ADGRB3: variants seen among roughly 807,000 people sequenced by gnomAD.
ADGRB3 encodes the protein adhesion G protein-coupled receptor B3.
A neutral mutation model predicts 193.4 loss-of-function variants in ADGRB3; 37 were observed. The ratio of observed to expected loss-of-function variants is 0.19; its 90% CI spans 0.15 to 0.25. The LOEUF (loss-of-function observed/expected upper bound fraction) is 0.25. Ranked by LOEUF, ADGRB3 falls within the 10% of genes least tolerant of loss-of-function variation. The probability of loss-of-function intolerance (pLI) is 1.00; values close to 1 mark genes in which losing one functional copy is unlikely to be tolerated. For missense variants in ADGRB3, 1,637 were observed against 1,852.9 expected, an observed-to-expected ratio of 0.88 and a Z score of 2.14; for synonymous variants, 690 against 644.2, an observed-to-expected ratio of 1.07 and a Z score of -1.08.
In ADGRB3 at chr6:69,372,350, T is replaced by C. The variant is rs878909788; in HGVS notation, c.4240-56T>C. On this transcript the variant is annotated intron_variant, in intron 29 of 31. Coordinates refer to ENST00000370598, the MANE Select transcript of ADGRB3 (RefSeq NM_001704.3). ...ATGATGATTTTTCATTTTGTTTGAA[T>C]GACTAAACATAACTTTATTGGTTTT... The C allele has an allele frequency of 7.0e-5, 70 of 999,086 alleles. 1 individual carries two copies. The South Asian group carries it at 9.2e-4, about 13-fold the overall frequency. The allele number at this position is 999,086 out of a possible 1,614,324, so 61.9% of individuals were successfully genotyped here.
At chr6:69,099,330 T>TC (rs1772969285) in intron 17 of ADGRB3, among the ~76,000 whole-genome samples, 1 of 152,218 alleles carries the variant, frequency 6.6e-6, no homozygotes, top group Admixed American at 6.5e-5. Flanking sequence ...TAAGAGAGTA[T>TC]CAGCTTCTGT....
chr6:68,700,607 A>G (rs1321770780), intron 3 of ADGRB3, among the ~76,000 whole-genome samples: 1 of 152,060 alleles, frequency 6.6e-6, no homozygotes, highest in Non-Finnish European at 1.5e-5. Flanking sequence ...AAAGACAAAT[A>G]GAAACCCCTT....
intron 17 of ADGRB3, among the ~76,000 whole-genome samples, chr6:69,180,079 A>G (rs971633551): frequency 6.6e-6 from 1 of 152,232 alleles, no homozygotes; most frequent in African/African-American, 2.4e-5. Context: ...TTAAGCATCC[A>G]GAGGTGTGGC....
At chr6:68,873,905 A>G (rs1765523527) in intron 3 of ADGRB3, among the ~76,000 whole-genome samples, 1 of 152,080 alleles carries the variant, frequency 6.6e-6, no homozygotes, top group South Asian at 2.1e-4. Context: ...AAATTAGCAT[A>G]TATTCTTTCT....
intron 3 of ADGRB3, among the ~76,000 whole-genome samples, chr6:68,782,494 G>A (rs1766875231): frequency 6.6e-6 from 1 of 152,060 alleles, no homozygotes; most frequent in Non-Finnish European, 1.5e-5. Flanking sequence ...ACCCAGAAAT[G>A]GGATGGCTGG....
chr6:68,661,018 A>G (rs867032924), intron 3 of ADGRB3, among the ~76,000 whole-genome samples: 2 of 150,616 alleles, frequency 1.3e-5, no homozygotes, highest in African/African-American at 4.8e-5. Flanking sequence ...ACTAACATAT[A>G]TAAAGCATCA....
intron 3 of ADGRB3, among the ~76,000 whole-genome samples, chr6:68,776,100 T>C (rs916287308): frequency 2.0e-5 from 3 of 152,124 alleles, no homozygotes; most frequent in African/African-American, 7.2e-5. Flanking sequence ...GTGACAAACA[T>C]AGGCTCTGTT....
intron 3 of ADGRB3, among the ~76,000 whole-genome samples, chr6:68,892,440 C>G (rs926836031): frequency 1.3e-5 from 2 of 152,208 alleles, no homozygotes; most frequent in African/African-American, 4.8e-5. Flanking sequence ...TGTCACTCCT[C>G]AGAGAGGTCT....
chr6:69,043,290 G>GAGAGAA lies in ADGRB3; in HGVS notation c.2108-4892_2108-4891insGAAAGA, dbSNP rs1554252049. On this transcript the variant is annotated intron_variant, in intron 13 of 31. Transcript: ENST00000370598. ...GGAAAGAAAAGGAAAGGAAGAAAGAGAGAAAGAAAGAAAGAAAGAAAGAAA... is the reference window on the plus strand; with the variant it reads ...GGAAAGAAAAGGAAAGGAAGAAAGAGAGAGAAAGAAAGAAAGAAAGAAAGAAAGAAA... 6.2e-3 allele frequency among the ~76,000 whole-genome samples: 543 copies of GAGAGAA among 88,058 alleles called. 12 individuals are homozygous for GAGAGAA. Among genetic ancestry groups the GAGAGAA allele is most frequent in the Middle Eastern group, 0.027 (4 of 148 alleles). 57.8% of individuals were successfully genotyped at this position (88,058 alleles called of 152,430 possible). A position where few individuals can be genotyped will look rare whatever the true frequency, so the allele number is the denominator to read the frequency against.
intron 11 of ADGRB3, among the ~76,000 whole-genome samples, chr6:69,013,485 G>A (rs1019883237): frequency 2.6e-5 from 4 of 152,102 alleles, no homozygotes; most frequent in African/African-American, 7.2e-5. Flanking sequence ...TGTGTGATAT[G>A]TCAGGAACTT....
intron 20 of ADGRB3, among the ~76,000 whole-genome samples, chr6:69,270,578 T>C (rs983807294): frequency 6.6e-6 from 1 of 152,180 alleles, no homozygotes; most frequent in Non-Finnish European, 1.5e-5. Context: ...GCTGATTAAA[T>C]ACATTTTACT....
intron 3 of ADGRB3, among the ~76,000 whole-genome samples, chr6:68,761,370 T>C (rs1370708497): frequency 6.6e-6 from 1 of 151,854 alleles, no homozygotes; most frequent in Non-Finnish European, 1.5e-5. Flanking sequence ...GGTTTTCAGT[T>C]GGTAACTCCT....
intron 20 of ADGRB3, among the ~76,000 whole-genome samples, chr6:69,261,135 A>T (rs907478628): frequency 2.0e-5 from 3 of 152,204 alleles, no homozygotes; most frequent in African/African-American, 7.2e-5. Context: ...TCACACACAA[A>T]AATACAAGGA....
intron 20 of ADGRB3, among the ~76,000 whole-genome samples, chr6:69,292,707 CTCTT>C (rs954334453): frequency 3.3e-5 from 5 of 151,718 alleles, no homozygotes; most frequent in African/African-American, 4.9e-5. Context: ...TTCTCTCAAC[CTCTT>C]TCTTTTTTTT....
chr6:68,864,694 G>A lies in ADGRB3; in HGVS notation c.758-65865G>A, dbSNP rs149656213. Among the ~76,000 whole-genome samples the A allele has an allele frequency of 5.3e-5, 8 of 152,264 alleles. No homozygotes were observed. In the East Asian group the frequency reaches 1.5e-3, roughly 29 times the overall value. ...ACTACAAGAAAATAGCTAATTGTGT[G>A]AAAACAGCATCTCCTTTGCTCAAGT... On this transcript the variant is annotated intron_variant, in intron 3 of 31. Transcript: ENST00000370598.
At chr6:69,044,148 G>T (rs1771168247) in intron 13 of ADGRB3, among the ~76,000 whole-genome samples, 1 of 152,198 alleles carries the variant, frequency 6.6e-6, no homozygotes, top group Non-Finnish European at 1.5e-5. Context: ...TTGAATATTG[G>T]ATCCAGATCA....
At chr6:69,195,334 A>G (rs569139105) in intron 17 of ADGRB3, among the ~76,000 whole-genome samples, 1 of 152,134 alleles carries the variant, frequency 6.6e-6, no homozygotes, top group East Asian at 1.9e-4. Flanking sequence ...ATTCGAGACC[A>G]GGCCTGGCAA....
intron 20 of ADGRB3, among the ~76,000 whole-genome samples, chr6:69,259,718 A>T (rs1766878512): frequency 6.7e-6 from 1 of 149,684 alleles, no homozygotes. Flanking sequence ...AAAAAAAAAA[A>T]TTCTAAAATG....
chr6:69,381,614 T>C (rs1173228806), intron 30 of ADGRB3, among the ~76,000 whole-genome samples: 1 of 151,964 alleles, frequency 6.6e-6, no homozygotes, highest in Non-Finnish European at 1.5e-5. Flanking sequence ...TTGTCTTTTG[T>C]CCTTTTCCTT....
Sources: allele counts gnomAD v4.1 joint callset (sites outside exome capture counted in the v4.1 genomes callset), GRCh38; gene constraint gnomAD v4.1.1; transcripts MANE v1.5; gene names NCBI Gene and HGNC (gene_info 2026-07-23, HGNC 2026-07-21).